ATP6V1C1: variants seen among roughly 807,000 people sequenced by gnomAD.
The protein encoded by ATP6V1C1 is ATPase H+ transporting V1 subunit C1.
A neutral mutation model predicts 53.9 loss-of-function variants in ATP6V1C1; 45 were observed. The observed-to-expected ratio is 0.83, with a 90% confidence interval of 0.66 to 1.07. The LOEUF is 1.07. Among genes scored for constraint, ATP6V1C1 ranks in the 50% least tolerant of loss-of-function variants. The pLI is 0.00. For synonymous variants in ATP6V1C1, 153 were observed against 155.2 expected (o/e 0.99, Z 0.11); for missense variants, 315 against 440.3 (o/e 0.72, Z 2.55).
In ATP6V1C1 at chr8:103,064,071, T is replaced by G. The variant is rs115487971; in HGVS notation, c.829-643T>G. Among the ~76,000 whole-genome samples, 1,478 of 152,334 alleles carry G rather than the reference T, an allele frequency of 9.7e-3. 19 individuals are homozygous for G. Among genetic ancestry groups the G allele is most frequent in the African/African-American group, 0.034 (1,412 of 41,572 alleles). On this transcript the variant is annotated intron_variant, in intron 10 of 12. Coordinates refer to ENST00000518738, the MANE Select transcript of ATP6V1C1 (RefSeq NM_001695.5). ...AAATTAATTGTTTGGTACATCCAAA[T>G]GAGCCTAATAATGTTATCCAAGGAA...
At chr8:103,043,479 C>T (rs56249406) in intron 3 of ATP6V1C1, among the ~76,000 whole-genome samples, 11,877 of 149,780 alleles carry the variant, frequency 0.079, 651 homozygotes, top group Non-Finnish European at 0.11. Context: ...CCCACCACCA[C>T]GCCCAGCTAA....
chr8:103,036,970 C>T (rs556442257), intron 1 of ATP6V1C1, among the ~76,000 whole-genome samples: 24 of 152,102 alleles, frequency 1.6e-4, no homozygotes, highest in Non-Finnish European at 2.9e-4. Flanking sequence ...CCAGAAACCA[C>T]GATCGCTTAG....
At chr8:103,041,041 A>C in intron 2 of ATP6V1C1, 73 bp downstream of exon 2, 1 of 1,496,888 alleles carries the variant, frequency 6.7e-7, no homozygotes, top group Non-Finnish European at 9.0e-7. Context: ...TTTTAGTGGA[A>C]ATGAGATACC....
At chr8:103,039,715 C>G (rs1816960930) in intron 1 of ATP6V1C1, among the ~76,000 whole-genome samples, 1 of 151,926 alleles carries the variant, frequency 6.6e-6, no homozygotes, top group South Asian at 2.1e-4. Flanking sequence ...TTTTTTCCCC[C>G]TTCTGTGTGT....
At chr8:103,039,566 G>A (rs1407024218) in intron 1 of ATP6V1C1, among the ~76,000 whole-genome samples, 1 of 152,180 alleles carries the variant, frequency 6.6e-6, no homozygotes, top group Non-Finnish European at 1.5e-5. Context: ...GGTTAAATAA[G>A]CAGTGTTAGC....
chr8:103,058,723 A>G (rs1817334855), intron 8 of ATP6V1C1, among the ~76,000 whole-genome samples: 1 of 152,218 alleles, frequency 6.6e-6, no homozygotes, highest in Non-Finnish European at 1.5e-5. Context: ...ATATTTTTCA[A>G]TCTATTCTTC....
intron 1 of ATP6V1C1, among the ~76,000 whole-genome samples, chr8:103,035,925 A>G (rs1264454454): frequency 6.6e-6 from 1 of 152,116 alleles, no homozygotes; most frequent in Non-Finnish European, 1.5e-5. Flanking sequence ...AGAAGGTAGG[A>G]TAGTTTTGGA....
chr8:103,030,842 G>A (rs754112859), intron 1 of ATP6V1C1, among the ~76,000 whole-genome samples: 6 of 152,182 alleles, frequency 3.9e-5, no homozygotes, highest in Non-Finnish European at 8.8e-5. Flanking sequence ...AGAGCTTATG[G>A]TGCTGGGAGG....
At chr8:103,067,583 A>G (rs1315197738) in intron 12 of ATP6V1C1, among the ~76,000 whole-genome samples, 1 of 148,228 alleles carries the variant, frequency 6.7e-6, no homozygotes, top group Non-Finnish European at 1.5e-5. Flanking sequence ...GACTTGCTAC[A>G]CTTTTTTTCT....
intron 1 of ATP6V1C1, among the ~76,000 whole-genome samples, chr8:103,030,939 A>G (rs1468565232): frequency 6.6e-6 from 1 of 152,192 alleles, no homozygotes; most frequent in Non-Finnish European, 1.5e-5. Flanking sequence ...AGACCTTAGT[A>G]TCAGAGACTA....
In ATP6V1C1 at chr8:103,072,015, G is replaced by T. The variant is rs1263918967; in HGVS notation, c.*3268G>T. 6.6e-6 allele frequency: 1 copy of T among 152,208 alleles called. No individual in the cohort carries two copies. Among genetic ancestry groups the T allele is most frequent in the Non-Finnish European group, 1.5e-5 (1 of 68,048 alleles). 9.4% of individuals were successfully genotyped at this position (152,208 alleles called of 1,614,324 possible). ...AGTTGTTTGCATGCCAATTTCAGTA[G>T]CCTCAGTTATTCAACCTAGGAGATT... is the stretch of plus-strand genomic sequence containing the variant. On this transcript the variant is annotated 3_prime_UTR_variant, in exon 13 of 13. Coordinates refer to ENST00000518738, the MANE Select transcript of ATP6V1C1 (RefSeq NM_001695.5).
At chr8:103,040,683 C>T in intron 1 of ATP6V1C1, 115 bp from the exon 2 acceptor site, 3 of 867,108 alleles carry the variant, frequency 3.5e-6, no homozygotes, top group Middle Eastern at 3.2e-4. Context: ...GATCCTATGC[C>T]AACATTAGAT....
At chr8:103,027,302 A>G (rs1273520398) in intron 1 of ATP6V1C1, among the ~76,000 whole-genome samples, 2 of 152,222 alleles carry the variant, frequency 1.3e-5, no homozygotes, top group Non-Finnish European at 2.9e-5. Context: ...AATTTAATTT[A>G]CTGTGAAAGG....
At chr8:103,064,427 G>A (rs543108935) in intron 10 of ATP6V1C1, 32 of 200,142 alleles carry the variant, frequency 1.6e-4, no homozygotes, top group Middle Eastern at 2.0e-3. Flanking sequence ...TCTATATTTT[G>A]TACCATTTTA....
chr8:103,030,526 C>G (rs976945278), intron 1 of ATP6V1C1, among the ~76,000 whole-genome samples: 1 of 152,208 alleles, frequency 6.6e-6, no homozygotes, highest in African/African-American at 2.4e-5. Context: ...AAAACTGCTT[C>G]CAGACATCGG....
Position 103,059,292 on chromosome 8 carries a change from G to A in ATP6V1C1, c.641+3356G>A, listed in dbSNP as rs1382286551. Reference sequence around the variant, plus strand: ...GGCTCTAGCCTCACCTGCAGTTTTCGGACTGCTAAATCTTCGTCTGTAGCC... The same window carrying A: ...GGCTCTAGCCTCACCTGCAGTTTTCAGACTGCTAAATCTTCGTCTGTAGCC... On this transcript the variant is annotated intron_variant, in intron 8 of 12. Coordinates refer to ENST00000518738, the MANE Select transcript of ATP6V1C1 (RefSeq NM_001695.5). 5.3e-5 allele frequency among the ~76,000 whole-genome samples: 8 copies of A among 152,092 alleles called. No individual in the cohort carries two copies. The East Asian group carries it at 1.2e-3, about 22-fold the overall frequency.
At chr8:103,049,272 T>C (rs1158533560) in intron 4 of ATP6V1C1, among the ~76,000 whole-genome samples, 1 of 152,232 alleles carries the variant, frequency 6.6e-6, no homozygotes, top group African/African-American at 2.4e-5. Context: ...CATTTACAAG[T>C]AAGTTTCCAA....
At chr8:103,051,199 TTTTATAA>T in intron 5 of ATP6V1C1, 55 bp downstream of exon 5, 1 of 1,285,690 alleles carries the variant, frequency 7.8e-7, no homozygotes, top group East Asian at 2.4e-5. Context: ...GCTTTGCTTA[TTTTATAA>T]TTTCACTATG....
At chr8:103,050,181 CTGTT>C (rs1398878916) in intron 4 of ATP6V1C1, among the ~76,000 whole-genome samples, 5 of 152,180 alleles carry the variant, frequency 3.3e-5, no homozygotes, top group African/African-American at 9.6e-5. Context: ...TTTGCTGTGT[CTGTT>C]AATTTGTGTT....
Sources: allele counts gnomAD v4.1 joint callset (sites outside exome capture counted in the v4.1 genomes callset), GRCh38; gene constraint gnomAD v4.1.1; transcripts MANE v1.5; gene names NCBI Gene and HGNC (gene_info 2026-07-23, HGNC 2026-07-21).